MYOZ2: variants seen among roughly 807,000 people sequenced by gnomAD.
The protein encoded by MYOZ2 is myozenin-2.
MYOZ2 carries 19 observed loss-of-function variants against 25.4 expected under a neutral mutation model. The ratio of observed to expected loss-of-function variants is 0.75; its 90% CI spans 0.52 to 1.10. MYOZ2 has a LOEUF of 1.10. MYOZ2 is among the 50% of genes least tolerant of loss of function. The pLI is 0.00. For missense variants in MYOZ2, 270 were observed against 317.9 expected (o/e 0.85, Z 1.15); for synonymous variants, 92 against 106.9 (o/e 0.86, Z 0.86).
intron 5 of MYOZ2, among the ~76,000 whole-genome samples, chr4:119,176,724 C>T (rs1057462495): frequency 6.6e-6 from 1 of 152,180 alleles, no homozygotes; most frequent in Non-Finnish European, 1.5e-5. Context: ...ACTTTAAGAA[C>T]TTACATTATC....
At chr4:119,162,518 G>A (rs1741733737) in intron 4 of MYOZ2, among the ~76,000 whole-genome samples, 1 of 152,178 alleles carries the variant, frequency 6.6e-6, no homozygotes, top group Non-Finnish European at 1.5e-5. Context: ...CAGGAGTAAC[G>A]GAAATGTAAA....
At chr4:119,179,272 C>T (rs1272882335) in intron 5 of MYOZ2, among the ~76,000 whole-genome samples, 1 of 152,214 alleles carries the variant, frequency 6.6e-6, no homozygotes, top group Non-Finnish European at 1.5e-5. Flanking sequence ...TCCTTCTCAC[C>T]TTGAGGCCTT....
chr4:119,137,704 T>C (rs1741063909), intron 2 of MYOZ2, among the ~76,000 whole-genome samples: 1 of 152,210 alleles, frequency 6.6e-6, no homozygotes, highest in African/African-American at 2.4e-5. Context: ...CATGTTTTAC[T>C]GTAATGTCAA....
chr4:119,150,634 A>T (rs182367154), intron 2 of MYOZ2, among the ~76,000 whole-genome samples: 514 of 152,212 alleles, frequency 3.4e-3, no homozygotes, highest in African/African-American at 0.012. Context: ...TGTGCCAGGT[A>T]CCAGGCTACA....
intron 5 of MYOZ2, among the ~76,000 whole-genome samples, chr4:119,174,179 G>T (rs922970127): frequency 5.5e-4 from 84 of 152,250 alleles, no homozygotes; most frequent in African/African-American, 2.0e-3. Context: ...CAAGCGCACG[G>T]CGCAGGACTG....
intron 3 of MYOZ2, among the ~76,000 whole-genome samples, chr4:119,157,180 T>A (rs1741593147): frequency 6.6e-6 from 1 of 152,178 alleles, no homozygotes; most frequent in Non-Finnish European, 1.5e-5. Context: ...AAATTTTTAT[T>A]TTTGAAGTTA....
intron 5 of MYOZ2, among the ~76,000 whole-genome samples, chr4:119,175,698 G>C (rs879548827): frequency 1.3e-5 from 2 of 151,724 alleles, no homozygotes; most frequent in Non-Finnish European, 2.9e-5. Flanking sequence ...GTTGCTGTGA[G>C]TAGAGATTGT....
At chr4:119,159,758 G>T (rs1484855914) in intron 4 of MYOZ2, among the ~76,000 whole-genome samples, 1 of 152,062 alleles carries the variant, frequency 6.6e-6, no homozygotes, top group Non-Finnish European at 1.5e-5. Flanking sequence ...TACAGGTACA[G>T]CACCTGTACA....
chr4:119,139,867 G>GT (rs1561100234), intron 2 of MYOZ2, among the ~76,000 whole-genome samples: 1 of 152,030 alleles, frequency 6.6e-6, no homozygotes, highest in African/African-American at 2.4e-5. Flanking sequence ...TTTTTGGTAC[G>GT]TTTTTTGTTT....
chr4:119,186,690 T>C lies in MYOZ2; in HGVS notation c.*490T>C, dbSNP rs576547227. The C allele has an allele frequency of 5.7e-5, 9 of 158,364 alleles. No homozygotes were observed. The highest frequency in any genetic ancestry group is 2.2e-4 in the African/African-American group (9 of 41,602). The allele number at this position is 158,364 out of a possible 1,614,324, so 9.8% of individuals were successfully genotyped here. A position where few individuals can be genotyped will look rare whatever the true frequency, so the allele number is the denominator to read the frequency against. The stretch of plus-strand genomic sequence containing the variant: ...TTCTGGTGACCATGAGAAAATAATA[T>C]GTCTTGATGAAGTCTTTTCATTAGT... On this transcript the variant is annotated 3_prime_UTR_variant, in exon 6 of 6. Transcript: ENST00000307128.
chr4:119,153,541 A>C (rs1473599075), intron 3 of MYOZ2, among the ~76,000 whole-genome samples: 1 of 152,086 alleles, frequency 6.6e-6, no homozygotes, highest in African/African-American at 2.4e-5. Context: ...TGATTTATTG[A>C]CTACATTTTC....
chr4:119,141,908 C>A (rs1255684156), intron 2 of MYOZ2, among the ~76,000 whole-genome samples: 1 of 152,162 alleles, frequency 6.6e-6, no homozygotes, highest in East Asian at 1.9e-4. Context: ...TGAGAGTGAT[C>A]ATGCATTAGA....
intron 2 of MYOZ2, among the ~76,000 whole-genome samples, chr4:119,147,875 T>C (rs1741342263): frequency 6.6e-6 from 1 of 152,172 alleles, no homozygotes; most frequent in Non-Finnish European, 1.5e-5. Flanking sequence ...AAAATATAAT[T>C]TAGAAAGCCC....
intron 3 of MYOZ2, among the ~76,000 whole-genome samples, chr4:119,155,105 G>T (rs1371791866): frequency 1.3e-5 from 2 of 151,544 alleles, no homozygotes; most frequent in Non-Finnish European, 3.0e-5. Context: ...GGAAGGAAGA[G>T]AGAGGAGGGA....
intron 5 of MYOZ2, among the ~76,000 whole-genome samples, chr4:119,175,455 A>T (rs1742048203): frequency 6.6e-6 from 1 of 152,198 alleles, no homozygotes; most frequent in South Asian, 2.1e-4. Flanking sequence ...CTAATGGATA[A>T]CTATTCATTC....
At chr4:119,166,126 A>T (rs186635852) in intron 5 of MYOZ2, among the ~76,000 whole-genome samples, 136 of 152,344 alleles carry the variant, frequency 8.9e-4, no homozygotes, top group African/African-American at 2.8e-3. Flanking sequence ...ACATCAACGT[A>T]GAAATAAAAA....
At chr4:119,145,398 G>T (rs1406235589) in intron 2 of MYOZ2, among the ~76,000 whole-genome samples, 1 of 139,484 alleles carries the variant, frequency 7.2e-6, no homozygotes, top group Non-Finnish European at 1.5e-5. Context: ...ATGTTGGAGT[G>T]CAGTGGCCTG....
intron 5 of MYOZ2, among the ~76,000 whole-genome samples, chr4:119,180,272 T>C (rs1365132753): frequency 2.0e-5 from 3 of 152,156 alleles, no homozygotes; most frequent in Non-Finnish European, 4.4e-5. Flanking sequence ...AGAAATCCTG[T>C]TTTAACTTCT....
intron 4 of MYOZ2, among the ~76,000 whole-genome samples, chr4:119,160,372 T>C (rs1741678972): frequency 6.6e-6 from 1 of 152,074 alleles, no homozygotes; most frequent in Non-Finnish European, 1.5e-5. Flanking sequence ...AAAGTGAATG[T>C]TGATACAATT....
Sources: gnomAD v4.1 joint callset for allele counts (sites outside exome capture counted in the v4.1 genomes callset) on GRCh38, gnomAD v4.1.1 for gene constraint, MANE v1.5 for transcripts, NCBI Gene and HGNC (gene_info 2026-07-23, HGNC 2026-07-21) for gene names.